Variants in SLC35F3 observed in about 807,000 individuals in gnomAD.
SLC35F3 encodes the protein solute carrier family 35 member F3, also known as putative thiamine transporter SLC35F3.
Under a neutral mutation model 49.9 loss-of-function variants are expected in SLC35F3, and 25 were observed. That is an observed-to-expected ratio of 0.50 (90% CI 0.37 to 0.70). The LOEUF is 0.70. SLC35F3 is among the 30% of genes least tolerant of loss of function. The pLI is 0.00. For missense variants in SLC35F3, 525 were observed against 639.8 expected, an observed-to-expected ratio of 0.82 and a Z score of 1.94; for synonymous variants, 275 against 265.4, an observed-to-expected ratio of 1.04 and a Z score of -0.35.
intron 2 of SLC35F3, among the ~76,000 whole-genome samples, chr1:233,971,100 G>A (rs1017473506): frequency 2.6e-5 from 4 of 152,224 alleles, no homozygotes; most frequent in Non-Finnish European, 5.9e-5. Flanking sequence ...CAGGCACCAT[G>A]AGCCAATGTG....
intron 3 of SLC35F3, among the ~76,000 whole-genome samples, chr1:234,273,725 T>TG (rs1572128752): frequency 6.6e-6 from 1 of 152,050 alleles, no homozygotes; most frequent in African/African-American, 2.4e-5. Context: ...AGGGAAGGAA[T>TG]CGGGGGCATC....
intron 2 of SLC35F3, among the ~76,000 whole-genome samples, chr1:234,052,641 A>T (rs993427100): frequency 6.6e-6 from 1 of 151,456 alleles, no homozygotes; most frequent in Non-Finnish European, 1.5e-5. Context: ...TATTTTCTTC[A>T]GTTCTGCTCT....
intron 2 of SLC35F3, among the ~76,000 whole-genome samples, chr1:234,191,987 T>G (rs1666737108): frequency 6.6e-6 from 1 of 150,516 alleles, no homozygotes; most frequent in Non-Finnish European, 1.5e-5. Flanking sequence ...AAAAAAAAAG[T>G]CCAGGACCAG....
chr1:233,950,918 T>G (rs1662597140), intron 2 of SLC35F3, among the ~76,000 whole-genome samples: 1 of 152,124 alleles, frequency 6.6e-6, no homozygotes, highest in Non-Finnish European at 1.5e-5. Context: ...GAACAAACCT[T>G]CTAGCTTTTA....
At chr1:234,185,410 G>T (rs1666628577) in intron 2 of SLC35F3, among the ~76,000 whole-genome samples, 1 of 152,258 alleles carries the variant, frequency 6.6e-6, no homozygotes, top group Admixed American at 6.5e-5. Flanking sequence ...GCAGAAAAGT[G>T]AATGTTCTAG....
intron 2 of SLC35F3, among the ~76,000 whole-genome samples, chr1:234,147,210 T>C (rs1179858103): frequency 4.7e-5 from 7 of 149,028 alleles, no homozygotes; most frequent in Admixed American, 4.1e-4. Context: ...GGAAATTACA[T>C]AGTTTGCCCT....
chr1:234,198,104 A>AT (rs574600421), intron 2 of SLC35F3, among the ~76,000 whole-genome samples: 126 of 152,316 alleles, frequency 8.3e-4, no homozygotes, highest in Non-Finnish European at 1.6e-3. Context: ...CTGCAGAGTG[A>AT]TTTTAGAGGA....
chr1:234,031,633 C>T (rs1219840100), intron 2 of SLC35F3, among the ~76,000 whole-genome samples: 1 of 152,182 alleles, frequency 6.6e-6, no homozygotes, highest in East Asian at 1.9e-4. Context: ...CAACCTCAAA[C>T]TCCTGGCCTC....
chr1:234,273,275 C>T (rs1668138947), intron 3 of SLC35F3, among the ~76,000 whole-genome samples: 1 of 152,196 alleles, frequency 6.6e-6, no homozygotes, highest in Non-Finnish European at 1.5e-5. Flanking sequence ...CAGGCTGTTG[C>T]CTATAAGTCT....
chr1:234,151,492 A>G (rs1440738272), intron 2 of SLC35F3, among the ~76,000 whole-genome samples: 1 of 151,988 alleles, frequency 6.6e-6, no homozygotes, highest in East Asian at 1.9e-4. Flanking sequence ...CAAAACTGAA[A>G]CCTGGCATTT....
At chr1:234,101,754 G>A (rs752664747) in intron 2 of SLC35F3, among the ~76,000 whole-genome samples, 2 of 152,164 alleles carry the variant, frequency 1.3e-5, no homozygotes, top group African/African-American at 4.8e-5. Flanking sequence ...CCTTTTTCTT[G>A]ACACATTCTT....
chr1:233,971,724 A>AC (rs1405519393), intron 2 of SLC35F3, among the ~76,000 whole-genome samples: 1 of 151,580 alleles, frequency 6.6e-6, no homozygotes, highest in African/African-American at 2.4e-5. Context: ...ACTCAAAAAA[A>AC]AAAAAAAAAA....
intron 2 of SLC35F3, among the ~76,000 whole-genome samples, chr1:234,041,765 C>A (rs1200061046): frequency 2.6e-5 from 4 of 152,080 alleles, no homozygotes; most frequent in African/African-American, 9.7e-5. Context: ...TTTACGGAGG[C>A]ACAGTTTCCA....
chr1:234,013,640 C>T (rs574719105), intron 2 of SLC35F3, among the ~76,000 whole-genome samples: 1 of 151,932 alleles, frequency 6.6e-6, no homozygotes, highest in East Asian at 1.9e-4. Flanking sequence ...AATCAGAACT[C>T]AGAGAGGAGA....
chr1:234,068,953 CATATA>C (rs1390825475), intron 2 of SLC35F3, among the ~76,000 whole-genome samples: 1 of 38,300 alleles, frequency 2.6e-5, no homozygotes, highest in Non-Finnish European at 5.6e-5. Flanking sequence ...AATTTTACTA[CATATA>C]ATATATAAAA....
At chr1:234,118,541 G>A (rs1665527063) in intron 2 of SLC35F3, among the ~76,000 whole-genome samples, 1 of 152,186 alleles carries the variant, frequency 6.6e-6, no homozygotes, top group Admixed American at 6.5e-5. Context: ...AGAGAGAGGA[G>A]AGGAAAAGGA....
chr1:233,968,681 C>T lies in SLC35F3; in HGVS notation c.283+62923C>T, dbSNP rs150798347. 9.5e-3 allele frequency among the ~76,000 whole-genome samples: 1,445 copies of T among 152,086 alleles called. 11 individuals are homozygous for T. Among genetic ancestry groups the T allele is most frequent in the Middle Eastern group, 0.027 (8 of 294 alleles). The stretch of plus-strand genomic sequence containing the variant: ...TGTATTTTTAGTAAACACGGGGTTT[C>T]ACCATCTTGGCCAGGCTGGTCTTGA... On this transcript the variant is annotated intron_variant, in intron 2 of 7. Transcript: ENST00000366618.
At chr1:234,260,783 G>A (rs74446778) in intron 3 of SLC35F3, among the ~76,000 whole-genome samples, 14,261 of 152,086 alleles carry the variant, frequency 0.094, 876 homozygotes, top group Non-Finnish European at 0.14. Context: ...GAGAAACTCC[G>A]CATACATAAG....
intron 2 of SLC35F3, among the ~76,000 whole-genome samples, chr1:234,149,660 A>T (rs981473416): frequency 1.3e-5 from 2 of 152,128 alleles, no homozygotes; most frequent in Non-Finnish European, 2.9e-5. Context: ...GCCCTTAAAA[A>T]ACGCCCTGAG....
Sources: gnomAD v4.1 joint callset for allele counts (sites outside exome capture counted in the v4.1 genomes callset) on GRCh38, gnomAD v4.1.1 for gene constraint, MANE v1.5 for transcripts, NCBI Gene and HGNC (gene_info 2026-07-23, HGNC 2026-07-21) for gene names.